The following CA10 variants were observed in gnomAD, a reference collection of about 807,000 sequenced individuals.
CA10 encodes the protein carbonic anhydrase-related protein 10.
CA10 carries 14 observed loss-of-function variants against 44.2 expected under a neutral mutation model. The observed-to-expected ratio is 0.32, with a 90% confidence interval of 0.21 to 0.50. The LOEUF (loss-of-function observed/expected upper bound fraction) is 0.50. Ranked by LOEUF, CA10 falls within the 20% of genes least tolerant of loss-of-function variation. The pLI is 0.99. For missense variants in CA10, 350 were observed against 409.7 expected, an observed-to-expected ratio of 0.85 and a Z score of 1.26; for synonymous variants, 159 against 141.6, an observed-to-expected ratio of 1.12 and a Z score of -0.87.
At chr17:51,831,450 G>A (rs1908236846) in intron 3 of CA10, among the ~76,000 whole-genome samples, 2 of 152,122 alleles carry the variant, frequency 1.3e-5, no homozygotes, top group Non-Finnish European at 2.9e-5. Context: ...TGCTGTGGTG[G>A]CTCAAAGTAT....
intron 3 of CA10, among the ~76,000 whole-genome samples, chr17:51,897,354 T>C (rs1981115691): frequency 6.6e-6 from 1 of 152,104 alleles, no homozygotes; most frequent in African/African-American, 2.4e-5. Context: ...TTTCTCAACT[T>C]TGTAGGAGAT....
At chr17:51,849,137 T>A (rs1978628188) in intron 3 of CA10, among the ~76,000 whole-genome samples, 1 of 134,786 alleles carries the variant, frequency 7.4e-6, no homozygotes, top group African/African-American at 2.6e-5. Context: ...ATATAAAAAC[T>A]TAGTTTTTTA....
chr17:51,916,610 C>T (rs962658264), intron 3 of CA10, among the ~76,000 whole-genome samples: 4 of 152,118 alleles, frequency 2.6e-5, no homozygotes, highest in African/African-American at 7.2e-5. Flanking sequence ...TGTGAGGCCT[C>T]CCCAGCCATG....
chr17:51,842,470 G>A (rs770880579), intron 3 of CA10, among the ~76,000 whole-genome samples: 1 of 152,238 alleles, frequency 6.6e-6, no homozygotes, highest in South Asian at 2.1e-4. Context: ...AGATTGAGTT[G>A]AGCACTGCAC....
chr17:51,785,016 G>T (rs2143685375), intron 3 of CA10, among the ~76,000 whole-genome samples: 1 of 152,288 alleles, frequency 6.6e-6, no homozygotes, highest in Middle Eastern at 3.4e-3. Context: ...AAATAAGTGA[G>T]AACATGCAAT....
At chr17:51,637,537 C>G (rs1306698219) in intron 6 of CA10, among the ~76,000 whole-genome samples, 2 of 152,216 alleles carry the variant, frequency 1.3e-5, no homozygotes, top group Non-Finnish European at 2.9e-5. Flanking sequence ...CACACATGTT[C>G]TCTCGTCCAT....
intron 2 of CA10, among the ~76,000 whole-genome samples, chr17:51,990,820 A>T (rs1288905300): frequency 6.6e-6 from 1 of 152,098 alleles, no homozygotes; most frequent in Non-Finnish European, 1.5e-5. Flanking sequence ...AGGTGGATGC[A>T]CGCTTTGGCT....
intron 1 of CA10, among the ~76,000 whole-genome samples, chr17:52,142,499 T>G (rs1262674043): frequency 6.6e-6 from 1 of 152,152 alleles, no homozygotes; most frequent in Non-Finnish European, 1.5e-5. Flanking sequence ...AAAAAATCAC[T>G]GATGGGGTTA....
chr17:51,703,584 A>G (rs2143467293), intron 4 of CA10, among the ~76,000 whole-genome samples: 1 of 152,182 alleles, frequency 6.6e-6, no homozygotes, highest in African/African-American at 2.4e-5. Flanking sequence ...TCTCTGAGCC[A>G]TTTTCTGAGC....
chr17:51,638,713 A>G (rs757126352), intron 6 of CA10, among the ~76,000 whole-genome samples: 1 of 152,238 alleles, frequency 6.6e-6, no homozygotes, highest in African/African-American at 2.4e-5. Context: ...AGACAATGAC[A>G]TAAATCTGCA....
chr17:52,036,261 G>T (rs931327257), intron 2 of CA10, among the ~76,000 whole-genome samples: 1 of 152,164 alleles, frequency 6.6e-6, no homozygotes, highest in Admixed American at 6.5e-5. Flanking sequence ...GCAAGTAAAA[G>T]AATTTAGGCT....
rs5820881 is a variant in CA10, at chr17:51,837,079, A to AACAC, written c.280-89265_280-89262dup. Among the ~76,000 whole-genome samples the AACAC allele has an allele frequency of 5.3e-3, 799 of 149,954 alleles. 4 individuals carry two copies. The highest frequency in any genetic ancestry group is 0.014 in the Middle Eastern group (4 of 294). On this transcript the variant is annotated intron_variant, in intron 3 of 8. Coordinates refer to ENST00000451037, the MANE Select transcript of CA10 (RefSeq NM_020178.5). ...TGTATACATTGATTTGAGTTCAGACAACACACACACACACACACACACACA... is the reference window on the plus strand; with the variant it reads ...TGTATACATTGATTTGAGTTCAGACAACACACACACACACACACACACACACACA...
chr17:51,968,911 G>A (rs558927046), intron 2 of CA10, among the ~76,000 whole-genome samples: 26 of 151,916 alleles, frequency 1.7e-4, no homozygotes, highest in Non-Finnish European at 1.9e-4. Flanking sequence ...ATTTTTAACC[G>A]CATTAAATAT....
chr17:51,904,398 C>T (rs1271813864), intron 3 of CA10, among the ~76,000 whole-genome samples: 2 of 151,946 alleles, frequency 1.3e-5, no homozygotes, highest in Admixed American at 6.6e-5. Context: ...TTCCTCAGGC[C>T]CAGCTCCTTG....
At chr17:51,942,494 T>G (rs1190251785) in intron 2 of CA10, among the ~76,000 whole-genome samples, 2 of 149,744 alleles carry the variant, frequency 1.3e-5, no homozygotes, top group Non-Finnish European at 3.0e-5. Context: ...TAGACTTTTG[T>G]ATAATTACAC....
rs1271607614 is a variant in CA10, at chr17:51,630,588, G to GGAGT, written c.*992_*995dup. The GGAGT allele has an allele frequency of 6.6e-6, 1 of 152,624 alleles. No individual in the cohort carries two copies. Among genetic ancestry groups the GGAGT allele is most frequent in the Non-Finnish European group, 1.5e-5 (1 of 68,038 alleles). 9.5% of individuals were successfully genotyped at this position (152,624 alleles called of 1,614,324 possible). Reference sequence around the variant, plus strand: ...CACCTCATGTGAATGATTGAGCCATGGAGTGGAATTAAAGTCATACTTGCT... The same window carrying GGAGT: ...CACCTCATGTGAATGATTGAGCCATGGAGTGAGTGGAATTAAAGTCATACTTGCT... On this transcript the variant is annotated 3_prime_UTR_variant, in exon 9 of 9. Coordinates refer to ENST00000451037, the MANE Select transcript of CA10 (RefSeq NM_020178.5).
chr17:52,014,891 A>G (rs1412989595), intron 2 of CA10, among the ~76,000 whole-genome samples: 1 of 152,090 alleles, frequency 6.6e-6, no homozygotes, highest in African/African-American at 2.4e-5. Context: ...CTTGCAATTA[A>G]TTGGGCAAAT....
intron 3 of CA10, among the ~76,000 whole-genome samples, chr17:51,878,694 T>C (rs1980200041): frequency 6.6e-6 from 1 of 151,526 alleles, no homozygotes; most frequent in Admixed American, 6.6e-5. Context: ...ATTGCATGTA[T>C]TGAGGAATCT....
chr17:51,830,684 C>A (rs1268757257), intron 3 of CA10, among the ~76,000 whole-genome samples: 2 of 152,182 alleles, frequency 1.3e-5, no homozygotes, highest in Non-Finnish European at 2.9e-5. Flanking sequence ...TGCAGCCTCT[C>A]TGCTTACTTA....
Sources: gnomAD v4.1 joint callset for allele counts (sites outside exome capture counted in the v4.1 genomes callset) on GRCh38, gnomAD v4.1.1 for gene constraint, MANE v1.5 for transcripts, NCBI Gene and HGNC (gene_info 2026-07-23, HGNC 2026-07-21) for gene names.